Variants in FAM184A observed in about 807,000 individuals in gnomAD.
The protein encoded by FAM184A is family with sequence similarity 184 member A.
FAM184A carries 99 observed loss-of-function variants against 143.8 expected under a neutral mutation model. The observed-to-expected ratio is 0.69, with a 90% CI of 0.58 to 0.81. The LOEUF (loss-of-function observed/expected upper bound fraction) is 0.81, where lower values mean the gene tolerates loss of function less well. Among genes scored for constraint, FAM184A ranks in the 40% least tolerant of loss-of-function variants. The pLI is 0.00. For missense variants in FAM184A, 1,217 were observed against 1,310.5 expected, an observed-to-expected ratio of 0.93 and a Z score of 1.10; for synonymous variants, 427 against 446.4, an observed-to-expected ratio of 0.96 and a Z score of 0.55.
intron 1 of FAM184A, among the ~76,000 whole-genome samples, chr6:119,039,652 A>C (rs1786245120): frequency 6.6e-6 from 1 of 152,204 alleles, no homozygotes; most frequent in African/African-American, 2.4e-5. Flanking sequence ...TGTTACAGGT[A>C]TCATAGCTAG....
chr6:118,961,315 G>T (rs1420622081), intron 17 of FAM184A, among the ~76,000 whole-genome samples: 1 of 148,840 alleles, frequency 6.7e-6, no homozygotes, highest in African/African-American at 2.5e-5. Context: ...TTTCTATTTT[G>T]ACAATAAGCA....
At chr6:119,062,470 G>A (rs1054750909) in intron 1 of FAM184A, among the ~76,000 whole-genome samples, 17 of 151,970 alleles carry the variant, frequency 1.1e-4, no homozygotes, top group Admixed American at 2.6e-4. Flanking sequence ...AACAGCCTGG[G>A]CAACATGGCA....
chr6:119,127,268 A>C (rs570715103), intron 1 of FAM184A, among the ~76,000 whole-genome samples: 106 of 152,248 alleles, frequency 7.0e-4, no homozygotes, highest in Non-Finnish European at 1.1e-3. Flanking sequence ...TTCACCTGCA[A>C]ATCCCTTCAC....
intron 1 of FAM184A, among the ~76,000 whole-genome samples, chr6:119,099,828 G>A (rs555420603): frequency 3.4e-4 from 51 of 152,188 alleles, no homozygotes; most frequent in Non-Finnish European, 4.4e-4. Flanking sequence ...TCTCTTCATC[G>A]TATCCTTTGC....
upstream of FAM184A, among the ~76,000 whole-genome samples, chr6:119,083,213 A>G (rs1788121036): frequency 6.6e-6 from 1 of 152,206 alleles, no homozygotes; most frequent in Admixed American, 6.5e-5. Context: ...CAGCCCACGA[A>G]ACCATTTTTT....
chr6:119,136,536 T>A (rs1019388561), intron 1 of FAM184A, among the ~76,000 whole-genome samples: 2 of 152,178 alleles, frequency 1.3e-5, no homozygotes, highest in Non-Finnish European at 2.9e-5. Context: ...AATCCAAATC[T>A]GACTAGTTCA....
intron 1 of FAM184A, among the ~76,000 whole-genome samples, chr6:119,096,260 G>A (rs531429415): frequency 6.6e-5 from 10 of 152,144 alleles, no homozygotes; most frequent in African/African-American, 2.2e-4. Context: ...ATGTCTTCAG[G>A]TTATTGACTT....
intron 1 of FAM184A, among the ~76,000 whole-genome samples, chr6:119,047,077 T>C (rs909496959): frequency 6.6e-6 from 1 of 151,970 alleles, no homozygotes; most frequent in Admixed American, 6.5e-5. Context: ...AAGATTTAAA[T>C]AGACATTTCT....
chr6:119,079,977 T>C (rs892369935), upstream of FAM184A, among the ~76,000 whole-genome samples: 5 of 152,200 alleles, frequency 3.3e-5, no homozygotes, highest in Non-Finnish European at 7.3e-5. Context: ...ACAAATATCC[T>C]ACAAATGTTG....
chr6:119,061,483 G>A (rs1353764273), intron 1 of FAM184A, among the ~76,000 whole-genome samples: 2 of 143,854 alleles, frequency 1.4e-5, no homozygotes, highest in East Asian at 2.1e-4. Flanking sequence ...AGCCTCCTAA[G>A]TATCTGGGAC....
chr6:119,139,984 G>A (rs544854644), intron 1 of FAM184A, among the ~76,000 whole-genome samples: 39 of 152,370 alleles, frequency 2.6e-4, no homozygotes, highest in African/African-American at 8.4e-4. Context: ...GAGCAGTGGC[G>A]CCTTGCTGGG....
At chr6:118,977,688 A>T (rs1441268757) in intron 11 of FAM184A, among the ~76,000 whole-genome samples, 1 of 152,188 alleles carries the variant, frequency 6.6e-6, no homozygotes, top group African/African-American at 2.4e-5. Context: ...CAGGTGTTAT[A>T]GGAGGGGAGG....
intron 5 of FAM184A, among the ~76,000 whole-genome samples, chr6:119,013,563 AT>A (rs1785151907): frequency 6.6e-6 from 1 of 152,254 alleles, no homozygotes; most frequent in Non-Finnish European, 1.5e-5. Flanking sequence ...AAGCATGCAC[AT>A]GCCTCACTAA....
At chr6:119,067,606 A>G (rs1263673558) in intron 1 of FAM184A, among the ~76,000 whole-genome samples, 1 of 152,244 alleles carries the variant, frequency 6.6e-6, no homozygotes, top group Non-Finnish European at 1.5e-5. Flanking sequence ...AAGGTGTTTT[A>G]AACAGAAACA....
In FAM184A at chr6:119,020,046, C is replaced by T. The variant is rs41292560; in HGVS notation, c.1264G>A (p.Ala422Thr). 16,323 of 1,606,444 alleles carry T rather than the reference C, an allele frequency of 0.01. 97 individuals carry two copies. Among genetic ancestry groups the T allele is most frequent in the Non-Finnish European group, 0.012 (13,970 of 1,177,668 alleles). Residue 422 changes from alanine (A) to threonine (T), a missense_variant, in exon 4 of 18, where the codon GCT (alanine) becomes ACT (threonine). Transcript: ENST00000338891. ...ERLSQLEEERAFLRSKTQSLD... is the reference protein window; with the variant it reads ...ERLSQLEEERTFLRSKTQSLD... Reference sequence around the variant, plus strand: ...CTTTGGGTTTTGCTTCGCAAAAAAGCTCTTTCCTCTTCAAGTTGAGATAAT... The same window carrying T: ...CTTTGGGTTTTGCTTCGCAAAAAAGTTCTTTCCTCTTCAAGTTGAGATAAT...
intron 5 of FAM184A, among the ~76,000 whole-genome samples, chr6:119,015,063 C>CAA (rs59729668): frequency 8.8e-5 from 11 of 124,872 alleles, no homozygotes; most frequent in Admixed American, 2.5e-4. Flanking sequence ...GACTCTGTCT[C>CAA]AAAAAAAAAA....
chr6:119,133,909 A>G (rs1026923699), intron 1 of FAM184A, among the ~76,000 whole-genome samples: 5 of 151,382 alleles, frequency 3.3e-5, no homozygotes, highest in African/African-American at 4.8e-5. Context: ...AGGCCAAAGC[A>G]GGGCTCAAGT....
At chr6:119,032,490 G>GGGGAGA (rs1445090132) in intron 1 of FAM184A, among the ~76,000 whole-genome samples, 2 of 150,104 alleles carry the variant, frequency 1.3e-5, no homozygotes, top group Admixed American at 6.7e-5. Flanking sequence ...GGTGGGGGAG[G>GGGGAGA]GGGAGAGGGA....
intron 1 of FAM184A, among the ~76,000 whole-genome samples, chr6:119,069,345 C>T (rs1787596776): frequency 6.6e-6 from 1 of 151,982 alleles, no homozygotes; most frequent in Non-Finnish European, 1.5e-5. Flanking sequence ...GGCGAAACAT[C>T]TAAAGGTAGG....
Sources: gnomAD v4.1 joint callset for allele counts (sites outside exome capture counted in the v4.1 genomes callset) on GRCh38, gnomAD v4.1.1 for gene constraint, MANE v1.5 for transcripts, NCBI Gene and HGNC (gene_info 2026-07-23, HGNC 2026-07-21) for gene names.